Variants in CINP observed in about 807,000 individuals in gnomAD.
CINP encodes the protein cyclin dependent kinase 2 interacting protein.
CINP carries 11 observed loss-of-function variants against 20.5 expected under a neutral mutation model. The ratio of observed to expected loss-of-function variants is 0.54; its 90% CI spans 0.34 to 0.89. The LOEUF (loss-of-function observed/expected upper bound fraction) is 0.89. CINP is among the 40% of genes least tolerant of loss of function. The pLI is 0.02. For synonymous variants in CINP, 108 were observed against 102.1 expected (o/e 1.06, Z -0.35); for missense variants, 213 against 251.0 (o/e 0.85, Z 1.02).
At position 102,359,407 on chromosome 14, in the gene CINP, A is replaced by G. The variant is rs1887081628; in HGVS notation, c.176+12T>C. 2 of 1,574,146 alleles carry G rather than the reference A, an allele frequency of 1.3e-6. No homozygotes were observed. The highest frequency in any genetic ancestry group is 1.4e-5 in the African/African-American group (1 of 73,980). The stretch of plus-strand genomic sequence containing the variant: ...GAAAAACTTAGAGCATGAAAAACCA[A>G]TATGTACTTACAATAAACTGATTTT... On this transcript the variant is annotated intron_variant, in intron 2 of 4. Coordinates refer to ENST00000216756, the MANE Select transcript of CINP (RefSeq NM_032630.3).
intron 1 of CINP, among the ~76,000 whole-genome samples, chr14:102,360,245 T>TAC (rs1466032219): frequency 1.3e-5 from 2 of 152,112 alleles, no homozygotes; most frequent in African/African-American, 4.8e-5. Flanking sequence ...TGCAGGCCTT[T>TAC]ACACGTGTTC....
intron 2 of CINP, among the ~76,000 whole-genome samples, chr14:102,358,483 C>T (rs1353299949): frequency 6.6e-6 from 1 of 152,134 alleles, no homozygotes. Flanking sequence ...GAGTTTGAGA[C>T]TAGCCTGGCC....
At position 102,351,060 on chromosome 14, in the gene CINP, G is replaced by A. The variant is rs1040520650; in HGVS notation, c.307-1012C>T. Among the ~76,000 whole-genome samples, 2 of 152,054 alleles carry A rather than the reference G, an allele frequency of 1.3e-5. No individual in the cohort carries two copies. Among genetic ancestry groups the A allele is most frequent in the East Asian group, 1.9e-4 (1 of 5,194 alleles). ...AGGCTGGTCTTGATCTCCTGAACTC[G>A]TGATCCGCCCACCTCGGCCGCCCAA... is the stretch of plus-strand genomic sequence containing the variant. On this transcript the variant is annotated intron_variant, in intron 3 of 4. Transcript: ENST00000216756. The surrounding 1 kb of genome is among the most constrained non-coding windows in gnomAD (Gnocchi z 4.2).
chr14:102,350,298 G>A (rs556436648), intron 3 of CINP, among the ~76,000 whole-genome samples: 7 of 152,104 alleles, frequency 4.6e-5, no homozygotes, highest in Non-Finnish European at 7.4e-5. Flanking sequence ...AAAGGTTTCC[G>A]AGTGCCATTT....
intron 1 of CINP, chr14:102,362,490 AGAG>A (rs770186720): frequency 2.8e-4 from 195 of 698,766 alleles, no homozygotes; most frequent in Non-Finnish European, 4.7e-4. Flanking sequence ...GGCAGTTCAG[AGAG>A]GAGTTTCTGG....
chr14:102,351,972 C>T lies in CINP; in HGVS notation c.307-1924G>A, dbSNP rs570489396. ...CGATCTCCGCTCACTGCAACCTCCG[C>T]CTCCCGGGTTCATGCCATTCTCCTG... On this transcript the variant is annotated intron_variant, in intron 3 of 4. Transcript: ENST00000216756. The surrounding 1 kb of genome is among the most constrained non-coding windows in gnomAD (Gnocchi z 4.2). Among the ~76,000 whole-genome samples, 6 of 152,288 alleles carry T rather than the reference C, an allele frequency of 3.9e-5. No individual in the cohort carries two copies. Among genetic ancestry groups the T allele is most frequent in the Admixed American group, 2.0e-4 (3 of 15,302 alleles).
intron 3 of CINP, among the ~76,000 whole-genome samples, chr14:102,354,837 A>C (rs1344078108): frequency 6.6e-6 from 1 of 151,996 alleles, no homozygotes; most frequent in Non-Finnish European, 1.5e-5. Flanking sequence ...TGGGAGGCCA[A>C]GGCAGGCTGA....
At chr14:102,355,329 A>G (rs1437709592) in intron 3 of CINP, among the ~76,000 whole-genome samples, 3 of 152,064 alleles carry the variant, frequency 2.0e-5, no homozygotes, top group Non-Finnish European at 4.4e-5. Context: ...AGCCTGACCA[A>G]TATGGTGAAA....
chr14:102,359,236 A>ATATATATATATATATT (rs1887076280), intron 2 of CINP, among the ~76,000 whole-genome samples, 183 bp downstream of exon 2: 1 of 126,588 alleles, frequency 7.9e-6, no homozygotes, highest in East Asian at 2.0e-4. Flanking sequence ...AAATATATAT[A>ATATATATATATATATT]TATATATATA....
chr14:102,348,558 CAG>C lies in CINP; in HGVS notation c.636_637del (p.Ter213ThrfsTer3). 6.2e-7 allele frequency: 1 copy of C among 1,608,870 alleles called. No individual in the cohort carries two copies. The highest frequency in any genetic ancestry group is 8.5e-7 in the Non-Finnish European group (1 of 1,178,570). On this transcript the variant is annotated frameshift_variant and stop_lost, in exon 5 of 5. Coordinates refer to ENST00000216756, the MANE Select transcript of CINP (RefSeq NM_032630.3). LOFTEE classifies it high-confidence loss of function. The stretch of plus-strand genomic sequence containing the variant: ...AGTGTCCGCAGCCGTCTCAGGACGT[CAG>C]AGAGCTCGGTGGCCTGTCTCCAGCA...
At chr14:102,357,062 G>A (rs781383357) in intron 2 of CINP, among the ~76,000 whole-genome samples, 48 of 152,178 alleles carry the variant, frequency 3.2e-4, no homozygotes, top group Non-Finnish European at 5.9e-4. Context: ...AAATGATTAA[G>A]CTTAGTGAGG....
chr14:102,354,571 ACATGGTGAAACCC>A (rs1197182043), intron 3 of CINP, among the ~76,000 whole-genome samples: 1 of 152,166 alleles, frequency 6.6e-6, no homozygotes, highest in African/African-American at 2.4e-5. Flanking sequence ...AGCCTGGCCA[ACATGGTGAAACCC>A]CATCTCTACT....
chr14:102,359,002 C>T (rs907908798), intron 2 of CINP, among the ~76,000 whole-genome samples: 4 of 151,672 alleles, frequency 2.6e-5, no homozygotes, highest in Admixed American at 1.3e-4. Context: ...GTCAGGAGTT[C>T]GAGACCAGCC....
chr14:102,348,572 GC>G lies in CINP; in HGVS notation c.623del (p.Gly208AlafsTer?). 6.2e-7 allele frequency: 1 copy of G among 1,611,082 alleles called. No individual in the cohort carries two copies. ...LHLESMLLET[G>X]HRAL ...TCTCAGGACGTCAGAGAGCTCGGTG[GC>G]CTGTCTCCAGCAGCATGCTCTCCAG... On this transcript the variant is annotated frameshift_variant, in exon 5 of 5. Transcript: ENST00000216756. LOFTEE classifies it high-confidence loss of function.
chr14:102,360,661 T>C (rs1448305675), intron 1 of CINP, among the ~76,000 whole-genome samples: 2 of 152,170 alleles, frequency 1.3e-5, no homozygotes, highest in Non-Finnish European at 2.9e-5. Context: ...TTAGATAATA[T>C]ATGTGAAGCT....
At chr14:102,355,085 A>G (rs1886966951) in intron 3 of CINP, among the ~76,000 whole-genome samples, 1 of 151,848 alleles carries the variant, frequency 6.6e-6, no homozygotes. Context: ...AAAAAAAAAG[A>G]AAATCCAAAA....
At chr14:102,354,817 C>A (rs973078450) in intron 3 of CINP, among the ~76,000 whole-genome samples, 1 of 152,044 alleles carries the variant, frequency 6.6e-6, no homozygotes, top group African/African-American at 2.4e-5. Context: ...CGCCTGTAAT[C>A]CCAGCAGTTT....
intron 1 of CINP, chr14:102,362,468 GT>G: frequency 1.4e-6 from 1 of 690,218 alleles, no homozygotes; most frequent in Non-Finnish European, 2.7e-6. Context: ...CAAGCAGAAT[GT>G]TCTGACTGAG....
intron 2 of CINP, among the ~76,000 whole-genome samples, chr14:102,358,751 A>G (rs1887055629): frequency 6.6e-6 from 1 of 152,190 alleles, no homozygotes; most frequent in African/African-American, 2.4e-5. Context: ...TTTTTTGTTT[A>G]CGTAAAATCC....
Sources: gnomAD v4.1 joint callset for allele counts (sites outside exome capture counted in the v4.1 genomes callset) on GRCh38, gnomAD v4.1.1 for gene constraint, Gnocchi (gnomAD v3.1) non-coding constraint, MANE v1.5 for transcripts, NCBI Gene and HGNC (gene_info 2026-07-23, HGNC 2026-07-21) for gene names.